Variants in ERBB4 observed in about 807,000 individuals in gnomAD.
The protein encoded by ERBB4 is erb-b2 receptor tyrosine kinase 4, also known as receptor tyrosine-protein kinase erbB-4.
A neutral mutation model predicts 158.0 loss-of-function variants in ERBB4; 42 were observed. The observed-to-expected ratio is 0.27, with a 90% CI of 0.21 to 0.34. The LOEUF (loss-of-function observed/expected upper bound fraction) is 0.34. Ranked by LOEUF, ERBB4 falls within the 10% of genes least tolerant of loss-of-function variation. The pLI is 1.00. For missense variants in ERBB4, 1,333 were observed against 1,624.1 expected (o/e 0.82, Z 3.08); for synonymous variants, 583 against 558.7 (o/e 1.04, Z -0.61).
intron 1 of ERBB4, among the ~76,000 whole-genome samples, chr2:212,152,248 T>G (rs1199846810): frequency 6.6e-6 from 1 of 152,172 alleles, no homozygotes; most frequent in Non-Finnish European, 1.5e-5. Flanking sequence ...GGCTAATTAT[T>G]TTACTCCTAT....
chr2:211,623,780 G>T, intron 18 of ERBB4, 142 bp downstream of exon 18: 1 of 773,132 alleles, frequency 1.3e-6, no homozygotes, highest in South Asian at 1.8e-5. Context: ...CATTTGTGCA[G>T]CAACTTCTCA....
chr2:212,033,072 A>G (rs1486910018), intron 2 of ERBB4, among the ~76,000 whole-genome samples: 2 of 151,970 alleles, frequency 1.3e-5, no homozygotes, highest in Admixed American at 1.3e-4. Flanking sequence ...TGGTGGCCCT[A>G]TTAACACAGC....
chr2:212,391,698 TATATTATA>T (rs199940337), intron 1 of ERBB4, among the ~76,000 whole-genome samples: 22,163 of 135,286 alleles, frequency 0.16, 2,070 homozygotes, highest in South Asian at 0.25. Context: ...TATTATATTA[TATATTATA>T]TATATTGACA....
chr2:211,433,562 C>G (rs1324077354), intron 20 of ERBB4, among the ~76,000 whole-genome samples: 1 of 148,452 alleles, frequency 6.7e-6, no homozygotes, highest in Non-Finnish European at 1.5e-5. Context: ...GCCTGGGCAA[C>G]AGAGTGAGAC....
At chr2:211,789,423 A>G (rs534442725) in intron 3 of ERBB4, among the ~76,000 whole-genome samples, 1 of 152,236 alleles carries the variant, frequency 6.6e-6, no homozygotes, top group African/African-American at 2.4e-5. Context: ...ACATCTAAAA[A>G]CTAAACTGCA....
chr2:211,561,556 C>T (rs911256926), intron 20 of ERBB4, among the ~76,000 whole-genome samples: 8 of 152,180 alleles, frequency 5.3e-5, no homozygotes, highest in African/African-American at 1.9e-4. Context: ...CAAATTCAGA[C>T]ATTCAACCCT....
chr2:211,448,416 T>A (rs976302507), intron 20 of ERBB4, among the ~76,000 whole-genome samples: 1 of 152,066 alleles, frequency 6.6e-6, no homozygotes, highest in African/African-American at 2.4e-5. Flanking sequence ...CATTTATGAT[T>A]TTTTAAAGAT....
rs1491260097 is a variant in ERBB4, at chr2:211,772,956, T to TATA, written c.556+15068_556+15069insTAT. ...ATATATATATATATATATATATATA[T>TATA]TTTTTTTTTTAAAGATGGGGTCCTA... On this transcript the variant is annotated intron_variant, in intron 4 of 27. Coordinates refer to ENST00000342788, the MANE Select transcript of ERBB4 (RefSeq NM_005235.3). 1.7e-3 allele frequency among the ~76,000 whole-genome samples: 133 copies of TATA among 76,304 alleles called. 7 individuals are homozygous for TATA. Among genetic ancestry groups the TATA allele is most frequent in the African/African-American group, 7.1e-3 (75 of 10,602 alleles). The allele number at this position is 76,304 out of a possible 152,430, so 50.1% of individuals were successfully genotyped here.
intron 3 of ERBB4, among the ~76,000 whole-genome samples, chr2:211,919,562 C>T (rs1447148466): frequency 6.6e-6 from 1 of 151,894 alleles, no homozygotes; most frequent in Admixed American, 6.6e-5. Flanking sequence ...TTATTTAATC[C>T]CATCAGGTCT....
At chr2:212,352,948 G>T (rs978913961) in intron 1 of ERBB4, among the ~76,000 whole-genome samples, 2 of 151,612 alleles carry the variant, frequency 1.3e-5, no homozygotes, top group Admixed American at 6.6e-5. Flanking sequence ...TTTTTCATGG[G>T]CAAATTAAAT....
intron 1 of ERBB4, among the ~76,000 whole-genome samples, chr2:212,269,057 A>G (rs1008598775): frequency 4.6e-5 from 7 of 151,180 alleles, no homozygotes; most frequent in Non-Finnish European, 1.0e-4. Flanking sequence ...CCTTTCAGTT[A>G]TATAATGCAC....
In ERBB4 at chr2:212,050,712, G is replaced by C. The variant is rs16847587; in HGVS notation, c.234+74040C>G. Reference sequence around the variant, plus strand: ...ATCTGTGCTAGTATGGAAAATAAATGGACTGCACACATGATTATGGTGATT... The same window carrying C: ...ATCTGTGCTAGTATGGAAAATAAATCGACTGCACACATGATTATGGTGATT... On this transcript the variant is annotated intron_variant, in intron 2 of 27. Coordinates refer to ENST00000342788, the MANE Select transcript of ERBB4 (RefSeq NM_005235.3). Among the ~76,000 whole-genome samples the C allele has an allele frequency of 2.3e-3, 346 of 152,188 alleles. 12 individuals are homozygous for C. The East Asian group carries it at 0.061, about 27-fold the overall frequency.
chr2:211,552,529 A>C (rs2067126783), intron 20 of ERBB4, among the ~76,000 whole-genome samples: 1 of 152,072 alleles, frequency 6.6e-6, no homozygotes, highest in Non-Finnish European at 1.5e-5. Flanking sequence ...CACCCTTTCA[A>C]CTAGTTTCAA....
At chr2:211,986,363 A>G (rs1461902838) in intron 2 of ERBB4, among the ~76,000 whole-genome samples, 1 of 152,170 alleles carries the variant, frequency 6.6e-6, no homozygotes, top group Non-Finnish European at 1.5e-5. Flanking sequence ...AGAAGAGGAA[A>G]ATGAGATCTT....
rs200236959 is a variant in ERBB4 at position 211,574,997 on chromosome 2, T to C, written c.2302-12909A>G. 3.9e-5 allele frequency among the ~76,000 whole-genome samples: 6 copies of C among 152,232 alleles called. No individual in the cohort carries two copies. The South Asian group carries it at 1.0e-3, about 26-fold the overall frequency. On this transcript the variant is annotated intron_variant, in intron 19 of 27. Transcript: ENST00000342788. ...GAGTTCTCAGGACAATCTTGTCCAG[T>C]ATAAAATATATTATGTTAATTTACT...
At chr2:212,396,132 T>C (rs2091019358) in intron 1 of ERBB4, among the ~76,000 whole-genome samples, 1 of 152,198 alleles carries the variant, frequency 6.6e-6, no homozygotes, top group South Asian at 2.1e-4. Context: ...GGGAAACTAC[T>C]TGTCTGGAAA....
At chr2:212,210,156 AGAAAT>A (rs2082888263) in intron 1 of ERBB4, among the ~76,000 whole-genome samples, 1 of 151,924 alleles carries the variant, frequency 6.6e-6, no homozygotes, top group Admixed American at 6.6e-5. Context: ...GAGAGATAAA[AGAAAT>A]GAAAGTAGGA....
intron 19 of ERBB4, among the ~76,000 whole-genome samples, chr2:211,567,093 C>T (rs970579419): frequency 3.9e-5 from 6 of 152,066 alleles, no homozygotes; most frequent in African/African-American, 1.4e-4. Context: ...TATTATAATC[C>T]CATGAAGCAG....
intron 2 of ERBB4, among the ~76,000 whole-genome samples, chr2:211,990,921 T>C (rs139068186): frequency 2.4e-4 from 37 of 152,118 alleles, no homozygotes; most frequent in Non-Finnish European, 4.7e-4. Context: ...ATAGAAAATA[T>C]TATTTTCATA....
Sources: allele counts gnomAD v4.1 joint callset (sites outside exome capture counted in the v4.1 genomes callset), GRCh38; gene constraint gnomAD v4.1.1; transcripts MANE v1.5; gene names NCBI Gene and HGNC (gene_info 2026-07-23, HGNC 2026-07-21).